Variants in PARD3 observed in about 807,000 individuals in gnomAD.
PARD3 encodes the protein partitioning defective 3 homolog.
A neutral mutation model predicts 155.4 loss-of-function variants in PARD3; 75 were observed. That is an observed-to-expected ratio of 0.48 (90% CI 0.40 to 0.58). The LOEUF is 0.58. Ranked by LOEUF, PARD3 falls within the 20% of genes least tolerant of loss-of-function variation. PARD3 has a pLI of 0.00. For synonymous variants in PARD3, 576 were observed against 610.5 expected, an observed-to-expected ratio of 0.94 and a Z score of 0.83; for missense variants, 1,642 against 1,721.7, an observed-to-expected ratio of 0.95 and a Z score of 0.82.
intron 23 of PARD3, among the ~76,000 whole-genome samples, chr10:34,123,958 G>T (rs1947142813): frequency 6.6e-6 from 1 of 152,060 alleles, no homozygotes; most frequent in Admixed American, 6.6e-5. Flanking sequence ...TGCCACTTAT[G>T]AAATAAAATC....
At chr10:34,615,364 T>TAC (rs2091183658) in intron 2 of PARD3, among the ~76,000 whole-genome samples, 1 of 152,074 alleles carries the variant, frequency 6.6e-6, no homozygotes, top group Non-Finnish European at 1.5e-5. Flanking sequence ...AGAACATACA[T>TAC]ACAGTCTCTT....
chr10:34,383,332 TTTATAA>T (rs1393010176), intron 8 of PARD3, among the ~76,000 whole-genome samples: 3 of 152,150 alleles, frequency 2.0e-5, no homozygotes, highest in Admixed American at 2.0e-4. Flanking sequence ...AAGACAGAGC[TTTATAA>T]TTATATTTAG....
chr10:34,691,004 C>T (rs61841150), intron 2 of PARD3, among the ~76,000 whole-genome samples: 56 of 152,090 alleles, frequency 3.7e-4, no homozygotes, highest in Non-Finnish European at 6.0e-4. Flanking sequence ...CTTGAGCCCA[C>T]GAGTTTGAGA....
intron 18 of PARD3, among the ~76,000 whole-genome samples, chr10:34,333,729 T>C (rs1040827456): frequency 8.5e-5 from 13 of 152,068 alleles, no homozygotes; most frequent in African/African-American, 2.9e-4. Context: ...CATTCAACAA[T>C]GGTAGAATGT....
intron 1 of PARD3, among the ~76,000 whole-genome samples, chr10:34,726,501 C>G (rs1293827200): frequency 6.7e-6 from 1 of 148,808 alleles, no homozygotes; most frequent in South Asian, 2.1e-4. Flanking sequence ...CAGAATCGCT[C>G]GAGCCCAGGA....
At chr10:34,459,097 C>T (rs915460189) in intron 4 of PARD3, among the ~76,000 whole-genome samples, 1 of 152,218 alleles carries the variant, frequency 6.6e-6, no homozygotes. Context: ...CAAATTTATA[C>T]TGAAACAATT....
rs369263734 is a variant in PARD3, at chr10:34,394,412, C to A, written c.890+4918G>T. Among the ~76,000 whole-genome samples the A allele has an allele frequency of 1.3e-3, 198 of 152,164 alleles. 2 individuals carry two copies. Among genetic ancestry groups the A allele is most frequent in the African/African-American group, 4.5e-3 (188 of 41,516 alleles). ...ATGATCATGGCTCACTGCAGCCCCA[C>A]ACTCCCAGATTCAAGTGATCCTCCC... is the stretch of plus-strand genomic sequence containing the variant. On this transcript the variant is annotated intron_variant, in intron 7 of 24. Transcript: ENST00000374788.
chr10:34,314,196 A>G (rs1433678231), intron 20 of PARD3, among the ~76,000 whole-genome samples: 1 of 151,296 alleles, frequency 6.6e-6, no homozygotes, highest in African/African-American at 2.4e-5. Context: ...GTTAGGAGAA[A>G]AAAAAAAAAG....
chr10:34,583,692 G>A (rs971647158), intron 2 of PARD3, among the ~76,000 whole-genome samples: 5 of 152,144 alleles, frequency 3.3e-5, no homozygotes, highest in Non-Finnish European at 5.9e-5. Context: ...CTGCACAGAT[G>A]AAATAAGAGA....
At chr10:34,375,345 G>T (rs986880413) in intron 10 of PARD3, among the ~76,000 whole-genome samples, 1 of 152,106 alleles carries the variant, frequency 6.6e-6, no homozygotes, top group Non-Finnish European at 1.5e-5. Flanking sequence ...TTAGAACAGA[G>T]ATATTTTGAT....
intron 22 of PARD3, among the ~76,000 whole-genome samples, chr10:34,141,510 C>A (rs1386780779): frequency 6.6e-6 from 1 of 152,142 alleles, no homozygotes; most frequent in Non-Finnish European, 1.5e-5. Context: ...CTCCAGTTCT[C>A]CAGATGCTTT....
chr10:34,468,554 T>C (rs2078152062), intron 4 of PARD3, among the ~76,000 whole-genome samples: 1 of 152,184 alleles, frequency 6.6e-6, no homozygotes, highest in African/African-American at 2.4e-5. Context: ...CTTTGGATAG[T>C]CTACTGCAAG....
At chr10:34,133,709 G>A (rs79363739) in intron 22 of PARD3, among the ~76,000 whole-genome samples, 1,537 of 152,178 alleles carry the variant, frequency 0.01, 22 homozygotes, top group African/African-American at 0.033. Context: ...ATTCTCAAAC[G>A]GACATAAGTC....
At chr10:34,194,407 T>C (rs1950848662) in intron 22 of PARD3, among the ~76,000 whole-genome samples, 1 of 152,086 alleles carries the variant, frequency 6.6e-6, no homozygotes, top group African/African-American at 2.4e-5. Context: ...CGAGCCGCTC[T>C]TGTACGTCCC....
At chr10:34,274,827 TAAGAA>T (rs1280487591) in intron 21 of PARD3, among the ~76,000 whole-genome samples, 1 of 152,064 alleles carries the variant, frequency 6.6e-6, no homozygotes, top group African/African-American at 2.4e-5. Context: ...GCATCCCTCT[TAAGAA>T]AGAAAGCTAA....
intron 16 of PARD3, among the ~76,000 whole-genome samples, chr10:34,339,903 T>C (rs992497376): frequency 3.9e-5 from 6 of 152,204 alleles, no homozygotes; most frequent in Non-Finnish European, 7.3e-5. Flanking sequence ...GCTGATTCTT[T>C]AAAGAATGTA....
At chr10:34,746,262 G>C (rs908287016) in intron 1 of PARD3, among the ~76,000 whole-genome samples, 45 of 151,622 alleles carry the variant, frequency 3.0e-4, no homozygotes, top group African/African-American at 1.1e-3. Flanking sequence ...GGCCAACAAA[G>C]TGAGATTCTG....
At chr10:34,580,790 T>C (rs903673940) in intron 2 of PARD3, among the ~76,000 whole-genome samples, 10 of 152,188 alleles carry the variant, frequency 6.6e-5, no homozygotes, top group Admixed American at 5.9e-4. Flanking sequence ...CAGGGCCACT[T>C]AGAGACACAA....
At chr10:34,681,618 T>C (rs2093822065) in intron 2 of PARD3, among the ~76,000 whole-genome samples, 1 of 147,610 alleles carries the variant, frequency 6.8e-6, no homozygotes, top group Non-Finnish European at 1.5e-5. Flanking sequence ...GCTAGCATTT[T>C]CCTTTATTAT....
Sources: allele counts gnomAD v4.1 joint callset (sites outside exome capture counted in the v4.1 genomes callset), GRCh38; gene constraint gnomAD v4.1.1; transcripts MANE v1.5; gene names NCBI Gene and HGNC (gene_info 2026-07-23, HGNC 2026-07-21).